PPP3CA: variants seen among roughly 807,000 people sequenced by gnomAD.
PPP3CA encodes the protein protein phosphatase 3 catalytic subunit alpha.
A neutral mutation model predicts 66.5 loss-of-function variants in PPP3CA; 14 were observed. The ratio of observed to expected loss-of-function variants is 0.21; its 90% CI spans 0.14 to 0.33. The LOEUF is 0.33. PPP3CA is among the 10% of genes least tolerant of loss of function. PPP3CA has a pLI of 1.00. For synonymous variants in PPP3CA, 232 were observed against 226.2 expected (o/e 1.03, Z -0.23); for missense variants, 317 against 639.5 (o/e 0.50, Z 5.44).
intron 1 of PPP3CA, among the ~76,000 whole-genome samples, chr4:101,218,589 TCA>T (rs2110211583): frequency 6.6e-6 from 1 of 152,124 alleles, no homozygotes; most frequent in Admixed American, 6.6e-5. Flanking sequence ...TAATAATTAC[TCA>T]CAGTTTAAAT....
intron 2 of PPP3CA, among the ~76,000 whole-genome samples, chr4:101,162,845 T>C (rs1231519078): frequency 6.6e-6 from 1 of 152,174 alleles, no homozygotes; most frequent in African/African-American, 2.4e-5. Flanking sequence ...GCCATGCCTT[T>C]GAGAAACCTT....
In PPP3CA at chr4:101,226,436, A is replaced by G. The variant is rs1235897123; in HGVS notation, c.59-30320T>C. Among the ~76,000 whole-genome samples, 3 of 151,902 alleles carry G rather than the reference A, an allele frequency of 2.0e-5. No homozygotes were observed. The East Asian group carries it at 5.8e-4, about 30-fold the overall frequency. ...TACGTAGTGCATATTTGTAACACAA[A>G]TGGTCTAAGTCAGAGGCTGCAGACT... On this transcript the variant is annotated intron_variant, in intron 1 of 13. Transcript: ENST00000394854.
At chr4:101,194,569 T>C (rs190448988) in intron 2 of PPP3CA, among the ~76,000 whole-genome samples, 290 of 151,936 alleles carry the variant, frequency 1.9e-3, no homozygotes, top group East Asian at 0.014. Flanking sequence ...ACTATACAAT[T>C]TTTTTTTCTT....
chr4:101,280,592 G>A (rs1225967929), intron 1 of PPP3CA, among the ~76,000 whole-genome samples: 3 of 152,136 alleles, frequency 2.0e-5, no homozygotes, highest in Non-Finnish European at 2.9e-5. Flanking sequence ...GGCCGAGGCG[G>A]GTGGATCACC....
chr4:101,025,789 T>C lies in PPP3CA; in HGVS notation c.*76A>G. On this transcript the variant is annotated 3_prime_UTR_variant, in exon 14 of 14. Transcript: ENST00000394854. ...AGAGGCAAGAACATCCAACTGCTGA[T>C]ATGCAGCAATCCCCATCATGCCCCG... 3.3e-6 allele frequency: 4 copies of C among 1,204,226 alleles called. No individual in the cohort carries two copies. In the South Asian group the frequency reaches 4.9e-5, roughly 15 times the overall value. The allele number at this position is 1,204,226 out of a possible 1,614,324, so 74.6% of individuals were successfully genotyped here. A position where few individuals can be genotyped will look rare whatever the true frequency, so the allele number is the denominator to read the frequency against.
Position 101,024,577 on chromosome 4 carries a change from A to G in PPP3CA, c.*1288T>C, listed in dbSNP as rs867811776. On this transcript the variant is annotated 3_prime_UTR_variant, in exon 14 of 14. Coordinates refer to ENST00000394854, the MANE Select transcript of PPP3CA (RefSeq NM_000944.5). ...AAAGGGAAAAAAGTGAAAAAAGTACATATTTTGTGGCACATGACAGAACAG... is the reference window on the plus strand; with the variant it reads ...AAAGGGAAAAAAGTGAAAAAAGTACGTATTTTGTGGCACATGACAGAACAG... The G allele has an allele frequency of 1.3e-5, 2 of 152,658 alleles. No homozygotes were observed. The highest frequency in any genetic ancestry group is 2.9e-5 in the Non-Finnish European group (2 of 68,038). The allele number at this position is 152,658 out of a possible 1,614,324, so 9.5% of individuals were successfully genotyped here.
chr4:101,173,021 C>A (rs1409135643), intron 2 of PPP3CA, among the ~76,000 whole-genome samples: 4 of 152,148 alleles, frequency 2.6e-5, no homozygotes, highest in African/African-American at 9.7e-5. Flanking sequence ...CCCACATGTA[C>A]ACGGAGCTCC....
intron 1 of PPP3CA, among the ~76,000 whole-genome samples, chr4:101,289,865 CGTGTATGTGT>C (rs1321325754): frequency 3.6e-4 from 42 of 118,050 alleles, no homozygotes; most frequent in African/African-American, 1.6e-3. Flanking sequence ...CCAAAATGTC[CGTGTATGTGT>C]GTGTGTGTGT....
chr4:101,187,682 T>C (rs1724457234), intron 2 of PPP3CA, among the ~76,000 whole-genome samples: 1 of 152,170 alleles, frequency 6.6e-6, no homozygotes, highest in Non-Finnish European at 1.5e-5. Context: ...TCTGAGAATC[T>C]CTTATTCGCC....
chr4:101,124,733 AAG>A lies in PPP3CA; in HGVS notation c.260-15657_260-15656del, dbSNP rs1491346725. On this transcript the variant is annotated intron_variant, in intron 2 of 13. Coordinates refer to ENST00000394854, the MANE Select transcript of PPP3CA (RefSeq NM_000944.5). The stretch of plus-strand genomic sequence containing the variant: ...AGAAAGAAAGAAAGAAAGAGAAAGA[AAG>A]AAAGAAAGAAAGAAAGAAAGAAAGA... Among the ~76,000 whole-genome samples the A allele has an allele frequency of 2.6e-3, 177 of 69,228 alleles. 2 individuals are homozygous for A. Among genetic ancestry groups the A allele is most frequent in the African/African-American group, 9.8e-3 (164 of 16,760 alleles). The allele number at this position is 69,228 out of a possible 152,430, so 45.4% of individuals were successfully genotyped here.
chr4:101,200,162 C>T (rs2053147902), intron 1 of PPP3CA, among the ~76,000 whole-genome samples: 1 of 152,136 alleles, frequency 6.6e-6, no homozygotes. Context: ...ACTTAAGCCA[C>T]TACTGAAGGG....
At chr4:101,207,890 T>G (rs889789388) in intron 1 of PPP3CA, among the ~76,000 whole-genome samples, 1 of 151,444 alleles carries the variant, frequency 6.6e-6, no homozygotes, top group Non-Finnish European at 1.5e-5. Context: ...TAAGCACATA[T>G]ATAATGGCAA....
At chr4:101,171,014 C>A (rs1421169237) in intron 2 of PPP3CA, 1 of 302,818 alleles carries the variant, frequency 3.3e-6, no homozygotes, top group African/African-American at 2.2e-5. Flanking sequence ...TAACTAGCAT[C>A]TACAGGAATA....
intron 1 of PPP3CA, among the ~76,000 whole-genome samples, chr4:101,317,790 AGTGGGCTCT>A (rs1170460057): frequency 2.0e-5 from 3 of 152,182 alleles, no homozygotes; most frequent in Non-Finnish European, 4.4e-5. Context: ...ATGGTTAAAC[AGTGGGCTCT>A]GAAACCGATG....
At chr4:101,035,845 AC>A (rs1270223083) in intron 11 of PPP3CA, among the ~76,000 whole-genome samples, 3 of 152,128 alleles carry the variant, frequency 2.0e-5, no homozygotes, top group African/African-American at 7.2e-5. Context: ...TCCTCTGATG[AC>A]CATGCCCTCC....
At chr4:101,242,904 G>A (rs879375526) in intron 1 of PPP3CA, among the ~76,000 whole-genome samples, 17 of 152,170 alleles carry the variant, frequency 1.1e-4, no homozygotes, top group Non-Finnish European at 2.1e-4. Context: ...TCCAGCCTAG[G>A]TAACACAGAG....
At chr4:101,228,893 G>T (rs964453590) in intron 1 of PPP3CA, among the ~76,000 whole-genome samples, 8 of 151,684 alleles carry the variant, frequency 5.3e-5, no homozygotes, top group Non-Finnish European at 1.2e-4. Flanking sequence ...TTTAGTTGGT[G>T]CTGTCCCAGT....
At chr4:101,082,925 C>G (rs1174490313) in intron 7 of PPP3CA, among the ~76,000 whole-genome samples, 2 of 152,126 alleles carry the variant, frequency 1.3e-5, no homozygotes, top group African/African-American at 2.4e-5. Flanking sequence ...GGTGCCCTTA[C>G]AGTACTTAAG....
intron 1 of PPP3CA, among the ~76,000 whole-genome samples, chr4:101,284,726 T>C (rs768032584): frequency 6.6e-6 from 1 of 152,130 alleles, no homozygotes; most frequent in Non-Finnish European, 1.5e-5. Flanking sequence ...TTCAATGTCA[T>C]AGTTACCCAT....
Sources: allele counts gnomAD v4.1 joint callset (sites outside exome capture counted in the v4.1 genomes callset), GRCh38; gene constraint gnomAD v4.1.1; transcripts MANE v1.5; gene names NCBI Gene and HGNC (gene_info 2026-07-23, HGNC 2026-07-21).